The following ARRDC2 variants were observed in gnomAD, a reference collection of about 807,000 sequenced individuals.
ARRDC2 encodes arrestin domain containing 2.
In ARRDC2, 39 loss-of-function variants were observed where a neutral mutation model predicts 38.9. That is an observed-to-expected ratio of 1.00 (90% CI 0.78 to 1.31). The LOEUF is 1.31. ARRDC2 is among the 50% of genes most tolerant of loss of function. ARRDC2 has a pLI of 0.00. For missense variants in ARRDC2, 553 were observed against 588.4 expected, an observed-to-expected ratio of 0.94 and a Z score of 0.62; for synonymous variants, 300 against 261.9, an observed-to-expected ratio of 1.15 and a Z score of -1.41.
upstream of ARRDC2, among the ~76,000 whole-genome samples, chr19:18,005,331 A>C (rs930512532): frequency 1.4e-4 from 22 of 152,244 alleles, no homozygotes; most frequent in East Asian, 2.9e-3. Context: ...CAACAGGATC[A>C]CAAAGCAGAA....
In ARRDC2 at chr19:18,008,501, G is replaced by C. The variant is rs2033331126; in HGVS notation, c.191G>C (p.Ser64Thr). 2.0e-6 allele frequency: 3 copies of C among 1,531,032 alleles called. No individual in the cohort carries two copies. The highest frequency in any genetic ancestry group is 1.4e-5 in the African/African-American group (1 of 72,796). 94.8% of individuals were successfully genotyped at this position (1,531,032 alleles called of 1,614,324 possible). A position where few individuals can be genotyped will look rare whatever the true frequency, so the allele number is the denominator to read the frequency against. ...RAHVHWTESRSAGSSTAYTQS... is the reference protein window; with the variant it reads ...RAHVHWTESRTAGSSTAYTQS... ...CACGTGCACTGGACCGAGTCGCGCA[G>C]CGCGGGCTCGAGCACGGCTTACACG... The change falls in exon 1 of 8, where the codon AGC (serine) becomes ACC (threonine). Residue 64 changes from serine to threonine, a missense_variant. Transcript: ENST00000222250.
chr19:18,013,957 G>A lies in ARRDC2; in HGVS notation c.*991G>A, dbSNP rs2146012999. 1 of 152,184 alleles carries A rather than the reference G, an allele frequency of 6.6e-6. No individual in the cohort carries two copies. Among genetic ancestry groups the A allele is most frequent in the African/African-American group, 2.4e-5 (1 of 41,490 alleles). The allele number at this position is 152,184 out of a possible 1,614,324, so 9.4% of individuals were successfully genotyped here. On this transcript the variant is annotated 3_prime_UTR_variant, in exon 8 of 8. Coordinates refer to ENST00000222250, the MANE Select transcript of ARRDC2 (RefSeq NM_015683.2). ...GTCCTGGAGGAGAAAAGCATTAGAGGGGGCAGCTGGACAAGCTCCCAACTG... is the reference window on the plus strand; with the variant it reads ...GTCCTGGAGGAGAAAAGCATTAGAGAGGGCAGCTGGACAAGCTCCCAACTG...
chr19:18,005,281 A>C (rs954387786), upstream of ARRDC2, among the ~76,000 whole-genome samples: 83 of 152,242 alleles, frequency 5.5e-4, no homozygotes, highest in African/African-American at 1.9e-3. Context: ...GACACAGCAC[A>C]TGTTTCAGAG....
At chr19:18,003,086 C>T (rs1244207005) in intron 1 of ARRDC2, among the ~76,000 whole-genome samples, 2 of 151,736 alleles carry the variant, frequency 1.3e-5, no homozygotes, top group African/African-American at 4.8e-5. Context: ...GGCAACAGAG[C>T]GAAACTCCGT....
intron 7 of ARRDC2, among the ~76,000 whole-genome samples, chr19:18,011,495 G>C (rs576617828): frequency 2.6e-5 from 4 of 152,224 alleles, no homozygotes; most frequent in Admixed American, 2.0e-4. Flanking sequence ...GCGTTAGCTG[G>C]TTTGGAATCT....
In ARRDC2 at chr19:18,009,658, C is replaced by T. The variant is rs751955965; in HGVS notation, c.556C>T (p.Leu186Phe). 8 of 1,611,300 alleles carry T rather than the reference C, an allele frequency of 5.0e-6. No individual in the cohort carries two copies. Among genetic ancestry groups the T allele is most frequent in the Non-Finnish European group, 6.8e-6 (8 of 1,177,918 alleles). ...GTACTGTAACCGTGGCCTAGTCTCC[C>T]TTTCGGCCAAGATCGACCGCAAGGG... ...SWYCNRGLVS[L>F]SAKIDRKGYT... Residue 186 changes from leucine (L) to phenylalanine (F), a missense_variant, in exon 4 of 8, where the codon CTT (leucine) becomes TTT (phenylalanine). Transcript: ENST00000222250.
chr19:18,003,033 G>A (rs1346753863), intron 1 of ARRDC2, among the ~76,000 whole-genome samples: 1 of 151,908 alleles, frequency 6.6e-6, no homozygotes, highest in Non-Finnish European at 1.5e-5. Context: ...CCGGCAGGCG[G>A]AGATTGCAGT....
rs781757887 is a variant in ARRDC2, at chr19:18,008,432, C to T, written c.122C>T (p.Ala41Val). Residue 41 changes from alanine (A) to valine (V), a missense_variant, in exon 1 of 8, where the codon GCC becomes GTC. Around this residue, in one of 3 missense-constraint regions of ARRDC2, gnomAD observed 447 missense variants for 456.6 expected, o/e 0.98. Transcript: ENST00000222250. ...CGGGTGCTGCTGGAGCTGTCAAGCG[C>T]CGCGCGTGTGGGTGCCCTGAGGCTG... ...AGRVLLELSS[A>V]ARVGALRLRA... The T allele has an allele frequency of 3.8e-6, 6 of 1,587,548 alleles. No homozygotes were observed. In the Admixed American group the frequency reaches 6.9e-5, roughly 18 times the overall value.
At position 18,010,609 on chromosome 19, in the gene ARRDC2, G is replaced by A. The variant is rs79985971; in HGVS notation, c.1050G>A (p.Glu350=). ...PEYSEVVADT[E]EAALGQSPFP... is the part of the protein sequence containing the mutation. ...ACTCGGAGGTGGTAGCCGACACTGA[G>A]GAGGCAGCCTTGGGGCAGAGCCCCT... The change falls in exon 7 of 8, where the codon GAG becomes GAA. Residue 350 remains glutamate (E), a synonymous_variant. Coordinates refer to ENST00000222250, the MANE Select transcript of ARRDC2 (RefSeq NM_015683.2). 26,264 of 1,613,838 alleles carry A rather than the reference G, an allele frequency of 0.016. 322 individuals carry two copies. Among genetic ancestry groups the A allele is most frequent in the Non-Finnish European group, 0.019 (22,767 of 1,179,976 alleles).
intron 7 of ARRDC2, among the ~76,000 whole-genome samples, chr19:18,011,392 C>T: frequency 6.6e-6 from 1 of 152,068 alleles, no homozygotes; most frequent in Non-Finnish European, 1.5e-5. Context: ...TTGGCCTCCC[C>T]AAAGTGCTGG....
chr19:18,002,212 A>G (rs2033197775), intron 1 of ARRDC2, among the ~76,000 whole-genome samples: 2 of 152,202 alleles, frequency 1.3e-5, no homozygotes, highest in African/African-American at 4.8e-5. Context: ...CAGGGTCTGC[A>G]GCGCTGAGTT....
rs1330039786 is a variant in ARRDC2 at position 18,009,133 on chromosome 19, T to C, written c.489+15T>C. 3.1e-6 allele frequency: 5 copies of C among 1,612,630 alleles called. No homozygotes were observed. The highest frequency in any genetic ancestry group is 3.4e-6 in the Non-Finnish European group (4 of 1,179,546). The stretch of plus-strand genomic sequence containing the variant: ...CAGCCCTGCTGGTGAGTGGCCACCC[T>C]TGGGGAGGTAGGTTGGGAGTATTGT... On this transcript the variant is annotated intron_variant, in intron 3 of 7. Coordinates refer to ENST00000222250, the MANE Select transcript of ARRDC2 (RefSeq NM_015683.2).
At chr19:18,004,245 CT>C (rs34248029), upstream of ARRDC2, among the ~76,000 whole-genome samples, 530 of 114,772 alleles carry the variant, frequency 4.6e-3, no homozygotes, top group African/African-American at 8.2e-3. Context: ...GCCGGGCTAA[CT>C]TTTTTTTTTT....
chr19:18,009,574 T>G lies in ARRDC2; in HGVS notation c.490-18T>G, dbSNP rs758994419. On this transcript the variant is annotated intron_variant, in intron 3 of 7. Coordinates refer to ENST00000222250, the MANE Select transcript of ARRDC2 (RefSeq NM_015683.2). ...GCACAAAGTGACTCATCCATGTCAC[T>G]TTCCTCTACACCGACAGGCACCTCA... is the stretch of plus-strand genomic sequence containing the variant. The G allele has an allele frequency of 3.2e-6, 5 of 1,576,600 alleles. No homozygotes were observed. The African/African-American group carries it at 6.8e-5, about 21-fold the overall frequency.
upstream of ARRDC2, among the ~76,000 whole-genome samples, chr19:18,006,642 G>A (rs1216617289): frequency 2.6e-5 from 4 of 152,132 alleles, no homozygotes; most frequent in African/African-American, 9.7e-5. Flanking sequence ...AGGGGAGAGG[G>A]AGAGGGAGAG....
upstream of ARRDC2, among the ~76,000 whole-genome samples, chr19:18,004,429 TAGAG>T (rs2033233217): frequency 6.7e-6 from 1 of 149,880 alleles, no homozygotes; most frequent in South Asian, 2.1e-4. Flanking sequence ...GTATCTTTAG[TAGAG>T]ACGGGGTGTC....
upstream of ARRDC2, chr19:18,007,464 G>C (rs2033302870): frequency 6.6e-6 from 1 of 152,348 alleles, no homozygotes; most frequent in South Asian, 2.1e-4. Flanking sequence ...CCGAGTGACG[G>C]TATGTCAAGA....
chr19:18,003,234 A>G (rs1335288158), upstream of ARRDC2, among the ~76,000 whole-genome samples: 6 of 152,174 alleles, frequency 3.9e-5, no homozygotes, highest in East Asian at 1.2e-3. Flanking sequence ...CCTGGGCAAC[A>G]TAATGAGACC....
chr19:18,013,869 C>G lies in ARRDC2; in HGVS notation c.*903C>G, dbSNP rs1254839565. Reference sequence around the variant, plus strand: ...AGACAGTGACAGCATTACGTCACCCCTGGGGACAGAGGTCAGCCTAAGGTG... The same window carrying G: ...AGACAGTGACAGCATTACGTCACCCGTGGGGACAGAGGTCAGCCTAAGGTG... On this transcript the variant is annotated 3_prime_UTR_variant, in exon 8 of 8. Coordinates refer to ENST00000222250, the MANE Select transcript of ARRDC2 (RefSeq NM_015683.2). 3 of 152,138 alleles carry G rather than the reference C, an allele frequency of 2.0e-5. No individual in the cohort carries two copies. Among genetic ancestry groups the G allele is most frequent in the Non-Finnish European group, 4.4e-5 (3 of 68,036 alleles). 9.4% of individuals were successfully genotyped at this position (152,138 alleles called of 1,614,324 possible).
Sources: gnomAD v4.1 joint callset for allele counts (sites outside exome capture counted in the v4.1 genomes callset) on GRCh38, gnomAD v4.1.1 for gene constraint, gnomAD v4.1.1 regional missense constraint, MANE v1.5 for transcripts, NCBI Gene and HGNC (gene_info 2026-07-23, HGNC 2026-07-21) for gene names.